Variants in AGBL4 observed in about 807,000 individuals in gnomAD.
AGBL4 encodes the protein cytosolic carboxypeptidase 6.
A neutral mutation model predicts 66.4 loss-of-function variants in AGBL4; 58 were observed. The observed-to-expected ratio is 0.87, with a 90% CI of 0.71 to 1.09. The LOEUF (loss-of-function observed/expected upper bound fraction) is 1.09, where lower values mean the gene tolerates loss of function less well. AGBL4 is among the 50% of genes least tolerant of loss of function. The pLI, the probability that AGBL4 is intolerant of heterozygous loss-of-function variation, is 0.00. For synonymous variants in AGBL4, 234 were observed against 222.9 expected, an observed-to-expected ratio of 1.05 and a Z score of -0.44; for missense variants, 579 against 631.0, an observed-to-expected ratio of 0.92 and a Z score of 0.88.
At chr1:49,391,812 T>G (rs994546118) in intron 3 of AGBL4, among the ~76,000 whole-genome samples, 1 of 151,970 alleles carries the variant, frequency 6.6e-6, no homozygotes, top group South Asian at 2.1e-4. Flanking sequence ...CTGCCCACCT[T>G]GGCCTCCCAA....
At chr1:49,100,527 A>T (rs1645182041) in intron 4 of AGBL4, among the ~76,000 whole-genome samples, 1 of 152,176 alleles carries the variant, frequency 6.6e-6, no homozygotes, top group Non-Finnish European at 1.5e-5. Context: ...AATGCATAAG[A>T]GGCATGAAGT....
intron 2 of AGBL4, among the ~76,000 whole-genome samples, chr1:49,812,285 A>G (rs1645118464): frequency 6.6e-6 from 1 of 152,202 alleles, no homozygotes; most frequent in Non-Finnish European, 1.5e-5. Flanking sequence ...GTTTGGGTAA[A>G]GCAATGCTTC....
rs139548639 is a variant in AGBL4 at position 48,853,271 on chromosome 1, T to C, written c.634+13920A>G. 2.1e-3 allele frequency among the ~76,000 whole-genome samples: 313 copies of C among 152,274 alleles called. 3 individuals are homozygous for C. Among genetic ancestry groups the C allele is most frequent in the African/African-American group, 7.2e-3 (301 of 41,572 alleles). On this transcript the variant is annotated intron_variant, in intron 6 of 13. Transcript: ENST00000371839. ...CTCCAGCCCCACTCAACCCTTCAAA[T>C]AGATACAGCCTTGGCTGACATCTTA...
At chr1:49,946,358 A>G (rs1343790584) in intron 1 of AGBL4, among the ~76,000 whole-genome samples, 1 of 151,984 alleles carries the variant, frequency 6.6e-6, no homozygotes, top group East Asian at 1.9e-4. Context: ...ACATCAAGCA[A>G]TCTCTCAGAC....
At chr1:49,348,546 T>A (rs1570490432) in intron 3 of AGBL4, among the ~76,000 whole-genome samples, 1 of 152,180 alleles carries the variant, frequency 6.6e-6, no homozygotes, top group East Asian at 1.9e-4. Context: ...CGACCCGCAG[T>A]CACAAGCCAA....
chr1:50,004,619 C>G (rs1241133028), intron 1 of AGBL4, among the ~76,000 whole-genome samples: 2 of 152,098 alleles, frequency 1.3e-5, no homozygotes, highest in Non-Finnish European at 1.5e-5. Flanking sequence ...GTCCTGAGAC[C>G]TCATTCCAGA....
At chr1:49,612,952 A>C (rs1329804349) in intron 3 of AGBL4, among the ~76,000 whole-genome samples, 1 of 152,206 alleles carries the variant, frequency 6.6e-6, no homozygotes, top group Non-Finnish European at 1.5e-5. Context: ...TTGCAACACT[A>C]TTCACAATAG....
intron 2 of AGBL4, among the ~76,000 whole-genome samples, chr1:49,810,813 T>G (rs1414770912): frequency 2.6e-5 from 4 of 152,128 alleles, no homozygotes; most frequent in African/African-American, 4.8e-5. Flanking sequence ...TATGATTAAA[T>G]CTATGCTTCA....
chr1:49,530,373 G>A (rs1651041116), intron 3 of AGBL4, among the ~76,000 whole-genome samples: 1 of 150,400 alleles, frequency 6.6e-6, no homozygotes, highest in Non-Finnish European at 1.5e-5. Context: ...CATGTGCCAT[G>A]TTGGTGTGCT....
chr1:49,090,336 C>T (rs958145595), intron 4 of AGBL4, among the ~76,000 whole-genome samples: 3 of 152,068 alleles, frequency 2.0e-5, no homozygotes, highest in Non-Finnish European at 2.9e-5. Flanking sequence ...ACCTAGAAAA[C>T]CCCATAATCT....
chr1:49,052,454 C>T (rs10888646), intron 4 of AGBL4, among the ~76,000 whole-genome samples: 86,657 of 152,018 alleles, frequency 0.57, 25,161 homozygotes, highest in Non-Finnish European at 0.62. Context: ...GTATATTCTT[C>T]CCCCGTGCCT....
chr1:49,652,864 G>C (rs923678059), intron 3 of AGBL4, among the ~76,000 whole-genome samples: 10 of 152,096 alleles, frequency 6.6e-5, no homozygotes, highest in Non-Finnish European at 4.4e-5. Context: ...CTGCAGTATT[G>C]TCAATCAGTG....
intron 5 of AGBL4, among the ~76,000 whole-genome samples, chr1:48,901,482 G>A (rs1006342069): frequency 6.6e-6 from 1 of 151,968 alleles, no homozygotes; most frequent in East Asian, 1.9e-4. Flanking sequence ...GCACCAATTC[G>A]AACCTGGAAA....
intron 6 of AGBL4, among the ~76,000 whole-genome samples, chr1:48,722,173 G>A (rs1647162590): frequency 6.6e-6 from 1 of 151,950 alleles, no homozygotes; most frequent in South Asian, 2.1e-4. Flanking sequence ...GGACTGGGGG[G>A]TCTTTTGTAT....
intron 3 of AGBL4, among the ~76,000 whole-genome samples, chr1:49,381,649 T>C (rs1417402992): frequency 1.3e-5 from 2 of 152,032 alleles, no homozygotes; most frequent in African/African-American, 4.8e-5. Context: ...ATATACACCA[T>C]GGAATACTAT....
At chr1:49,100,860 T>C (rs1274004765) in intron 4 of AGBL4, among the ~76,000 whole-genome samples, 2 of 152,208 alleles carry the variant, frequency 1.3e-5, no homozygotes, top group Non-Finnish European at 2.9e-5. Flanking sequence ...CTCCTTTCTT[T>C]CTAGTAACTC....
At chr1:49,100,501 C>A (rs1051290353) in intron 4 of AGBL4, among the ~76,000 whole-genome samples, 6 of 152,290 alleles carry the variant, frequency 3.9e-5, no homozygotes, top group East Asian at 1.9e-4. Flanking sequence ...CTCAAGATCA[C>A]CAAATCCGGA....
chr1:48,758,217 T>C (rs1644050368), intron 6 of AGBL4, among the ~76,000 whole-genome samples: 1 of 152,244 alleles, frequency 6.6e-6, no homozygotes, highest in Non-Finnish European at 1.5e-5. Context: ...AGCTTTCTAA[T>C]GCTTTCCATT....
At chr1:48,994,327 T>G (rs1368882674) in intron 5 of AGBL4, among the ~76,000 whole-genome samples, 2 of 152,196 alleles carry the variant, frequency 1.3e-5, no homozygotes, top group Non-Finnish European at 2.9e-5. Flanking sequence ...TTTTAAAACT[T>G]CCTGGATGTT....
Sources: allele counts gnomAD v4.1 joint callset (sites outside exome capture counted in the v4.1 genomes callset), GRCh38; gene constraint gnomAD v4.1.1; transcripts MANE v1.5; gene names NCBI Gene and HGNC (gene_info 2026-07-23, HGNC 2026-07-21).